The following CILK1 variants were observed in gnomAD, a reference collection of about 807,000 sequenced individuals.
CILK1 encodes the protein serine/threonine-protein kinase ICK.
CILK1 carries 47 observed loss-of-function variants against 79.2 expected under a neutral mutation model. The ratio of observed to expected loss-of-function variants is 0.59; its 90% CI spans 0.47 to 0.76. The LOEUF (loss-of-function observed/expected upper bound fraction) is 0.76, where lower values mean the gene tolerates loss of function less well. Ranked by LOEUF, CILK1 falls within the 30% of genes least tolerant of loss-of-function variation. The probability of loss-of-function intolerance (pLI) is 0.00; values close to 1 mark genes in which losing one functional copy is unlikely to be tolerated. For missense variants in CILK1, 660 were observed against 769.5 expected, an observed-to-expected ratio of 0.86 and a Z score of 1.68; for synonymous variants, 266 against 275.9, an observed-to-expected ratio of 0.96 and a Z score of 0.36.
rs1562005646 is a variant in CILK1, at chr6:53,012,045, A to G, written c.1335T>C (p.Thr445=). 6.2e-7 allele frequency: 1 copy of G among 1,614,142 alleles called. No individual in the cohort carries two copies. The highest frequency in any genetic ancestry group is 8.5e-7 in the Non-Finnish European group (1 of 1,180,008). The change falls in exon 10 of 14, where the codon ACT becomes ACC. Residue 445 remains threonine (T), a synonymous_variant. Coordinates refer to ENST00000676107, the MANE Select transcript of CILK1 (RefSeq NM_014920.5). The part of the protein sequence containing the change: ...LKNKKRQSDD[T]LCRFESVLDL... ...GTGAGCAGCACACTTGCCTGCAGAG[A>G]GTGTCATCACTCTGTCTTTTCTTGT...
At chr6:53,025,301 G>A (rs1192738689) in intron 5 of CILK1, among the ~76,000 whole-genome samples, 1 of 152,016 alleles carries the variant, frequency 6.6e-6, no homozygotes, top group African/African-American at 2.4e-5. Context: ...TACCCACTAT[G>A]GCAACTCCCT....
At chr6:53,050,323 A>G (rs1313934233) in intron 1 of CILK1, among the ~76,000 whole-genome samples, 4 of 151,984 alleles carry the variant, frequency 2.6e-5, no homozygotes, top group Non-Finnish European at 5.9e-5. Flanking sequence ...ACCTCACTCC[A>G]CAAGTAGAAG....
At chr6:53,037,488 G>A (rs1766433590) in intron 3 of CILK1, among the ~76,000 whole-genome samples, 1 of 152,186 alleles carries the variant, frequency 6.6e-6, no homozygotes, top group African/African-American at 2.4e-5. Context: ...GGGTTAGGCT[G>A]TGGCCCAGTG....
chr6:53,057,698 T>C (rs937287532), intron 1 of CILK1: 11 of 152,250 alleles, frequency 7.2e-5, no homozygotes, highest in African/African-American at 1.9e-4. Flanking sequence ...CTTCAGACAA[T>C]AGAGTTAAGA....
At chr6:53,006,019 C>A (rs146887839) in intron 13 of CILK1, among the ~76,000 whole-genome samples, 1 of 152,330 alleles carries the variant, frequency 6.6e-6, no homozygotes, top group African/African-American at 2.4e-5. Context: ...CTCTACTCAA[C>A]AACTCCTTTG....
At chr6:53,041,918 T>A (rs930727022) in intron 1 of CILK1, among the ~76,000 whole-genome samples, 5 of 152,160 alleles carry the variant, frequency 3.3e-5, no homozygotes, top group African/African-American at 9.7e-5. Context: ...CTTTTTTTTT[T>A]AATCTTTCTT....
intron 3 of CILK1, among the ~76,000 whole-genome samples, 183 bp from the exon 4 acceptor site, chr6:53,032,837 T>G (rs933852370): frequency 5.3e-5 from 8 of 152,212 alleles, no homozygotes; most frequent in African/African-American, 1.9e-4. Context: ...TAACTTTACA[T>G]AGAAAAACTA....
At chr6:53,043,445 A>G (rs1766845733) in intron 1 of CILK1, among the ~76,000 whole-genome samples, 1 of 152,124 alleles carries the variant, frequency 6.6e-6, no homozygotes, top group African/African-American at 2.4e-5. Flanking sequence ...ACCATGCTTT[A>G]TCACAGAATC....
chr6:53,021,233 G>A (rs1765217447), intron 5 of CILK1, among the ~76,000 whole-genome samples: 1 of 151,460 alleles, frequency 6.6e-6, no homozygotes, highest in African/African-American at 2.4e-5. Flanking sequence ...GCTGAGGTGG[G>A]AGAATTGCTT....
intron 5 of CILK1, 103 bp downstream of exon 5, chr6:53,030,962 T>A: frequency 2.5e-6 from 2 of 802,208 alleles, no homozygotes; most frequent in East Asian, 5.2e-5. Flanking sequence ...CTCTTCAACC[T>A]TTTCTGGGAG....
At chr6:53,034,813 G>C (rs561144128) in intron 3 of CILK1, among the ~76,000 whole-genome samples, 1 of 152,278 alleles carries the variant, frequency 6.6e-6, no homozygotes, top group Non-Finnish European at 1.5e-5. Flanking sequence ...ATGTGTCAAG[G>C]AGTAATCAGC....
At chr6:53,040,795 G>A (rs759400614) in intron 2 of CILK1, among the ~76,000 whole-genome samples, 14 of 152,194 alleles carry the variant, frequency 9.2e-5, no homozygotes, top group Admixed American at 2.0e-4. Flanking sequence ...ACCACCATAC[G>A]CATGTAGATG....
intron 1 of CILK1, among the ~76,000 whole-genome samples, chr6:53,043,819 T>TATGCTTAGGGCACAGC (rs71305704): frequency 6.6e-6 from 1 of 151,824 alleles, no homozygotes; most frequent in Admixed American, 6.6e-5. Flanking sequence ...ATATTTCAAG[T>TATGCTTAGGGCACAGC]ATGTGGAGGG....
intron 2 of CILK1, among the ~76,000 whole-genome samples, chr6:53,040,755 G>A (rs951156160): frequency 1.3e-5 from 2 of 152,176 alleles, no homozygotes; most frequent in Admixed American, 1.3e-4. Flanking sequence ...GGGCAAGGGG[G>A]TGCAGAGGGA....
intron 1 of CILK1, among the ~76,000 whole-genome samples, chr6:53,044,118 G>T (rs1443967369): frequency 6.6e-6 from 1 of 152,100 alleles, no homozygotes; most frequent in Non-Finnish European, 1.5e-5. Flanking sequence ...TACTGGAGAA[G>T]AAAATGCAAT....
chr6:53,018,567 T>C (rs1436410255), intron 6 of CILK1, 66 bp from the exon 7 acceptor site: 8 of 1,455,074 alleles, frequency 5.5e-6, no homozygotes, highest in African/African-American at 1.4e-5. Context: ...TAAATAACAA[T>C]CAGTTCTCAG....
chr6:53,001,693 C>T lies in CILK1; in HGVS notation c.*3456G>A, dbSNP rs559468118. On this transcript the variant is annotated 3_prime_UTR_variant, in exon 14 of 14. Coordinates refer to ENST00000676107, the MANE Select transcript of CILK1 (RefSeq NM_014920.5). ...AAGGTCCTCACAATAAATTATATAA[C>T]AGTACAGTACATTTGTTTGGAAATC... 2.6e-5 allele frequency: 4 copies of T among 152,688 alleles called. No individual in the cohort carries two copies. The South Asian group carries it at 8.3e-4, about 32-fold the overall frequency. The allele number at this position is 152,688 out of a possible 1,614,324, so 9.5% of individuals were successfully genotyped here.
At chr6:53,052,907 A>G (rs1026661678) in intron 1 of CILK1, among the ~76,000 whole-genome samples, 1 of 150,664 alleles carries the variant, frequency 6.6e-6, no homozygotes, top group Non-Finnish European at 1.5e-5. Flanking sequence ...AGCTCACCAC[A>G]GTCCCCATTT....
chr6:53,022,735 C>A (rs1012446062), intron 5 of CILK1, among the ~76,000 whole-genome samples: 27 of 152,206 alleles, frequency 1.8e-4, no homozygotes, highest in Non-Finnish European at 3.2e-4. Context: ...TTCCATTATG[C>A]CATTCTAACA....
Sources: gnomAD v4.1 joint callset for allele counts (sites outside exome capture counted in the v4.1 genomes callset) on GRCh38, gnomAD v4.1.1 for gene constraint, MANE v1.5 for transcripts, NCBI Gene and HGNC (gene_info 2026-07-23, HGNC 2026-07-21) for gene names.